NEUROD6: variants seen among roughly 807,000 people sequenced by gnomAD.
NEUROD6 encodes neurogenic differentiation factor 6.
NEUROD6 carries 5 observed loss-of-function variants against 24.1 expected under a neutral mutation model. That is an observed-to-expected ratio of 0.21 (90% CI 0.11 to 0.44). NEUROD6 has a LOEUF of 0.44. NEUROD6 is among the 20% of genes least tolerant of loss of function. NEUROD6 has a pLI of 0.99. For missense variants in NEUROD6, 325 were observed against 409.5 expected, an observed-to-expected ratio of 0.79 and a Z score of 1.78; for synonymous variants, 182 against 154.1, an observed-to-expected ratio of 1.18 and a Z score of -1.34.
Position 31,338,963 on chromosome 7 carries a change from G to C in NEUROD6, c.306C>G (p.Arg102=), listed in dbSNP as rs774543274. 8.6e-5 allele frequency: 139 copies of C among 1,613,906 alleles called. No individual in the cohort carries two copies. Among genetic ancestry groups the C allele is most frequent in the Non-Finnish European group, 1.1e-4 (125 of 1,179,998 alleles). Residue 102 remains arginine, a synonymous_variant, in exon 2 of 2, where the codon CGC becomes CGG. Coordinates refer to ENST00000297142, the MANE Select transcript of NEUROD6 (RefSeq NM_022728.4). The surrounding 1 kb of genome is among the most constrained non-coding windows in gnomAD (Gnocchi z 5.1). ...TGAGGCCGTGCATCCTGTTCCTCTC[G>C]CGCGCGTTCGCTTCCTGTCTCCTGA... The part of the protein sequence containing the change: ...VKFRRQEANA[R]ERNRMHGLND...
rs1453239671 is a variant in NEUROD6, at chr7:31,338,019, AT to A, written c.*235del. 2 of 478,426 alleles carry A rather than the reference AT, an allele frequency of 4.2e-6. No individual in the cohort carries two copies. Among genetic ancestry groups the A allele is most frequent in the Non-Finnish European group, 3.7e-6 (1 of 273,444 alleles). The allele number at this position is 478,426 out of a possible 1,614,324, so 29.6% of individuals were successfully genotyped here. On this transcript the variant is annotated 3_prime_UTR_variant, in exon 2 of 2. Coordinates refer to ENST00000297142, the MANE Select transcript of NEUROD6 (RefSeq NM_022728.4). The surrounding 1 kb of genome is among the most constrained non-coding windows in gnomAD (Gnocchi z 5.1). ...TTAAAAGAAAATTAAAAAGAAAAAA[AT>A]CTTTCCAGTAGAAACAGAATCACAG...
chr7:31,338,515 C>T lies in NEUROD6; in HGVS notation c.754G>A (p.Ala252Thr). The T allele has an allele frequency of 1.2e-6, 2 of 1,614,036 alleles. No individual in the cohort carries two copies. Among genetic ancestry groups the T allele is most frequent in the South Asian group, 2.2e-5 (2 of 91,074 alleles). The change falls in exon 2 of 2, where the codon GCC becomes ACC. Residue 252 changes from alanine (A) to threonine (T), a missense_variant. Coordinates refer to ENST00000297142, the MANE Select transcript of NEUROD6 (RefSeq NM_022728.4). The surrounding 1 kb of genome is among the most constrained non-coding windows in gnomAD (Gnocchi z 5.1). ...SFYESTSPEC[A>T]SPQFEGPLSP... ...AAGGGACCTTCAAACTGAGGGCTGG[C>T]ACACTCAGGGGAAGTACTTTCATAG...
In NEUROD6 at chr7:31,337,703, G is replaced by C. The variant is rs1783077481; in HGVS notation, c.*552C>G. 1 of 152,650 alleles carries C rather than the reference G, an allele frequency of 6.6e-6. No individual in the cohort carries two copies. The allele number at this position is 152,650 out of a possible 1,614,324, so 9.5% of individuals were successfully genotyped here. ...AATAGTTACCAATTGAATGCATTTA[G>C]ATTCATCCTTAATAAAAAGAAAATT... On this transcript the variant is annotated 3_prime_UTR_variant, in exon 2 of 2. Coordinates refer to ENST00000297142, the MANE Select transcript of NEUROD6 (RefSeq NM_022728.4).
rs201134031 is a variant in NEUROD6, at chr7:31,339,043, T to G, written c.226A>C (p.Arg76=). The G allele has an allele frequency of 4.3e-6, 7 of 1,614,062 alleles. No homozygotes were observed. The Admixed American group carries it at 1.2e-4, about 27-fold the overall frequency. Residue 76 remains arginine (R), a synonymous_variant, in exon 2 of 2, where the codon AGG becomes CGG. Transcript: ENST00000297142. The part of the protein sequence containing the change: ...EEEDENGLPR[R]RGLRKKKTTK... ...GTCTTTTTTTTCCTAAGACCCCTCC[T>G]TCTAGGCAACCCATTTTCATCTTCC...
Position 31,339,115 on chromosome 7 carries a change from G to T in NEUROD6, c.154C>A (p.Pro52Thr), listed in dbSNP as rs1239596076. 9.9e-6 allele frequency: 16 copies of T among 1,613,386 alleles called. No individual in the cohort carries two copies. Among genetic ancestry groups the T allele is most frequent in the Non-Finnish European group, 1.4e-5 (16 of 1,179,906 alleles). ...VLRGKSIKRAPGEETEKEEEE... is the reference protein window; with the variant it reads ...VLRGKSIKRATGEETEKEEEE... Reference sequence around the variant, plus strand: ...TCTTCTTTCTCGGTTTCTTCTCCAGGGGCCCTTTTGATGCTCTTTCCTCGA... The same window carrying T: ...TCTTCTTTCTCGGTTTCTTCTCCAGTGGCCCTTTTGATGCTCTTTCCTCGA... The change falls in exon 2 of 2, where the codon CCT becomes ACT. Residue 52 changes from proline to threonine, a missense_variant. By Grantham distance (38) the Pro-to-Thr change is conservative (BLOSUM62 -1). This residue lies in a region of NEUROD6 where 109 missense variants were observed against 107.3 expected (regional missense o/e 1.02). Transcript: ENST00000297142.
intron 1 of NEUROD6, among the ~76,000 whole-genome samples, chr7:31,340,225 A>T (rs77384970): frequency 0.054 from 8,174 of 152,254 alleles, 339 homozygotes; most frequent in African/African-American, 0.12. Flanking sequence ...AGAATCCCAA[A>T]TGAAAGGGGA....
At position 31,337,985 on chromosome 7, in the gene NEUROD6, T is replaced by C. The variant is rs1394642319; in HGVS notation, c.*270A>G. The C allele has an allele frequency of 5.3e-5, 21 of 398,352 alleles. No individual in the cohort carries two copies. Among genetic ancestry groups the C allele is most frequent in the Non-Finnish European group, 9.0e-5 (20 of 223,456 alleles). 24.7% of individuals were successfully genotyped at this position (398,352 alleles called of 1,614,324 possible). On this transcript the variant is annotated 3_prime_UTR_variant, in exon 2 of 2. Coordinates refer to ENST00000297142, the MANE Select transcript of NEUROD6 (RefSeq NM_022728.4). Reference sequence around the variant, plus strand: ...TCTTAGACACCTTGTTCAAACAAATTAAATAAGTTTAAAAGAAAATTAAAA... The same window carrying C: ...TCTTAGACACCTTGTTCAAACAAATCAAATAAGTTTAAAAGAAAATTAAAA...
Position 31,338,160 on chromosome 7 carries a change from G to A in NEUROD6, c.*95C>T. On this transcript the variant is annotated 3_prime_UTR_variant, in exon 2 of 2. Coordinates refer to ENST00000297142, the MANE Select transcript of NEUROD6 (RefSeq NM_022728.4). This position sits in a 1 kb window ranked among gnomAD's most constrained non-coding sequence, Gnocchi z 5.1. ...ACTTCAGAAACTAGTAAACACCTTA[G>A]ATAGAGTTGTGCCAATTACTCAGCC... is the stretch of plus-strand genomic sequence containing the variant. The A allele has an allele frequency of 1.1e-6, 1 of 950,414 alleles. No individual in the cohort carries two copies. Among genetic ancestry groups the A allele is most frequent in the Non-Finnish European group, 1.6e-6 (1 of 633,946 alleles). 58.9% of individuals were successfully genotyped at this position (950,414 alleles called of 1,614,324 possible).
intron 1 of NEUROD6, among the ~76,000 whole-genome samples, chr7:31,340,328 G>A (rs1783109214): frequency 6.6e-6 from 1 of 152,206 alleles, no homozygotes; most frequent in African/African-American, 2.4e-5. Context: ...GCACATTAAA[G>A]CAGAGACTTT....
Position 31,339,073 on chromosome 7 carries a change from C to G in NEUROD6, c.196G>C (p.Glu66Gln). ...TEKEEEEEDR[E>Q]EEDENGLPRR... The stretch of plus-strand genomic sequence containing the variant: ...GGCAACCCATTTTCATCTTCCTCTT[C>G]CCTGTCTTCCTCCTCTTCTTCTTTC... Residue 66 changes from glutamate (E) to glutamine (Q), a missense_variant, in exon 2 of 2, where the codon GAA becomes CAA. Coordinates refer to ENST00000297142, the MANE Select transcript of NEUROD6 (RefSeq NM_022728.4). The G allele has an allele frequency of 6.2e-7, 1 of 1,614,026 alleles. No individual in the cohort carries two copies. Among genetic ancestry groups the G allele is most frequent in the African/African-American group, 1.3e-5 (1 of 74,990 alleles).
chr7:31,339,086 C>T lies in NEUROD6; in HGVS notation c.183G>A (p.Glu61=). 10 of 1,613,902 alleles carry T rather than the reference C, an allele frequency of 6.2e-6. No homozygotes were observed. The highest frequency in any genetic ancestry group is 8.5e-6 in the Non-Finnish European group (10 of 1,179,968). Residue 61 remains glutamate (E), a synonymous_variant, in exon 2 of 2, where the codon GAG becomes GAA. Coordinates refer to ENST00000297142, the MANE Select transcript of NEUROD6 (RefSeq NM_022728.4). ...APGEETEKEE[E]EEDREEEDEN... ...CATCTTCCTCTTCCCTGTCTTCCTC[C>T]TCTTCTTCTTTCTCGGTTTCTTCTC...
rs1276446644 is a variant in NEUROD6, at chr7:31,338,315, T to C, written c.954A>G (p.Leu318=). ...TTGTGAGAGATTGGCTGCGCAGATG[T>C]AAGTCGTAAGGGAAGTGGCTGTCGG... is the stretch of plus-strand genomic sequence containing the variant. ...LPTDSHFPYD[L]HLRSQSLTMQ... The change falls in exon 2 of 2, where the codon TTA becomes TTG. Residue 318 remains leucine (L), a synonymous_variant. Transcript: ENST00000297142. The surrounding 1 kb of genome is among the most constrained non-coding windows in gnomAD (Gnocchi z 5.1). 3.1e-6 allele frequency: 5 copies of C among 1,614,194 alleles called. No individual in the cohort carries two copies. The highest frequency in any genetic ancestry group is 4.2e-6 in the Non-Finnish European group (5 of 1,180,028).
At chr7:31,339,342 C>T (rs957454012) in intron 1 of NEUROD6, 53 bp from the exon 2 acceptor site, 20 of 1,303,384 alleles carry the variant, frequency 1.5e-5, no homozygotes, top group Non-Finnish European at 2.1e-5. Flanking sequence ...AAAGTTTATA[C>T]ACTTAAAACA....
chr7:31,338,686 C>G lies in NEUROD6; in HGVS notation c.583G>C (p.Glu195Gln). The change falls in exon 2 of 2, where the codon GAG becomes CAG. Residue 195 changes from glutamate to glutamine, a missense_variant. By Grantham distance (29) the Glu-to-Gln change is conservative. Coordinates refer to ENST00000297142, the MANE Select transcript of NEUROD6 (RefSeq NM_022728.4). The surrounding 1 kb of genome is among the most constrained non-coding windows in gnomAD (Gnocchi z 5.1). ...ARSFLMGQGG[E>Q]AAHHTRSPYS... ...GGTGACCTTGTGTGGTGTGCAGCCTCCCCACCCTGACCCATCAGGAAACTC... is the reference window on the plus strand; with the variant it reads ...GGTGACCTTGTGTGGTGTGCAGCCTGCCCACCCTGACCCATCAGGAAACTC... 6.2e-7 allele frequency: 1 copy of G among 1,614,018 alleles called. No homozygotes were observed. Among genetic ancestry groups the G allele is most frequent in the Non-Finnish European group, 8.5e-7 (1 of 1,179,990 alleles).
intron 1 of NEUROD6, 133 bp from the exon 2 acceptor site, chr7:31,339,422 C>A: frequency 1.5e-6 from 1 of 666,768 alleles, no homozygotes; most frequent in South Asian, 3.6e-5. Context: ...GATTTTTTAA[C>A]ATTAAATATA....
chr7:31,339,300 G>T lies in NEUROD6; in HGVS notation c.-21-11C>A. On this transcript the variant is annotated splice_polypyrimidine_tract_variant and intron_variant, in intron 1 of 1. Coordinates refer to ENST00000297142, the MANE Select transcript of NEUROD6 (RefSeq NM_022728.4). ...CTAATCTTAAATTACCTGAAAAAAT[G>T]CCAGCACAATATTTAAAGAGTTTTC... 1 of 1,552,422 alleles carries T rather than the reference G, an allele frequency of 6.4e-7. No individual in the cohort carries two copies.
Position 31,338,343 on chromosome 7 carries a change from G to T in NEUROD6, c.926C>A (p.Pro309His), listed in dbSNP as rs766067148. The T allele has an allele frequency of 1.9e-6, 3 of 1,614,092 alleles. No homozygotes were observed. Among genetic ancestry groups the T allele is most frequent in the Non-Finnish European group, 1.7e-6 (2 of 1,180,026 alleles). ...PLGQGAMFRL[P>H]TDSHFPYDLH... The stretch of plus-strand genomic sequence containing the variant: ...GTCGTAAGGGAAGTGGCTGTCGGTG[G>T]GCAACCTGAACATGGCACCCTGCCC... The change falls in exon 2 of 2, where the codon CCC (proline) becomes CAC (histidine). Residue 309 changes from proline to histidine, a missense_variant. This residue lies in a region of NEUROD6 where 175 missense variants were observed against 201.3 expected (regional missense o/e 0.87). Coordinates refer to ENST00000297142, the MANE Select transcript of NEUROD6 (RefSeq NM_022728.4). The surrounding 1 kb of genome is among the most constrained non-coding windows in gnomAD (Gnocchi z 5.1).
intron 1 of NEUROD6, among the ~76,000 whole-genome samples, chr7:31,339,582 G>A (rs1406810313): frequency 6.6e-6 from 1 of 152,048 alleles, no homozygotes; most frequent in African/African-American, 2.4e-5. Flanking sequence ...CCTTTAAACT[G>A]GATTTTAATA....
At chr7:31,340,284 C>A (rs901898425) in intron 1 of NEUROD6, among the ~76,000 whole-genome samples, 3 of 152,182 alleles carry the variant, frequency 2.0e-5, no homozygotes, top group Admixed American at 2.0e-4. Context: ...GGTGAAGCAG[C>A]AAGTATTTTC....
Sources: allele counts gnomAD v4.1 joint callset (sites outside exome capture counted in the v4.1 genomes callset), GRCh38; gene constraint gnomAD v4.1.1; regional missense constraint gnomAD v4.1.1; non-coding constraint Gnocchi (gnomAD v3.1); transcripts MANE v1.5; gene names NCBI Gene and HGNC (gene_info 2026-07-23, HGNC 2026-07-21).